Variants in AP3B1 observed in about 807,000 individuals in gnomAD.
The protein encoded by AP3B1 is adaptor related protein complex 3 subunit beta 1, also known as AP-3 complex subunit beta-1.
AP3B1 carries 61 observed loss-of-function variants against 132.5 expected under a neutral mutation model. The ratio of observed to expected loss-of-function variants is 0.46; its 90% CI spans 0.37 to 0.57. The LOEUF (loss-of-function observed/expected upper bound fraction) is 0.57. AP3B1 is among the 20% of genes least tolerant of loss of function. The pLI, the probability that AP3B1 is intolerant of heterozygous loss-of-function variation, is 0.00. For missense variants in AP3B1, 1,120 were observed against 1,289.4 expected, an observed-to-expected ratio of 0.87 and a Z score of 2.01; for synonymous variants, 388 against 438.3, an observed-to-expected ratio of 0.89 and a Z score of 1.43.
chr5:78,278,202 A>T (rs2112578260), intron 1 of AP3B1, among the ~76,000 whole-genome samples: 1 of 152,344 alleles, frequency 6.6e-6, no homozygotes, highest in East Asian at 1.9e-4. Flanking sequence ...ATATAAACTA[A>T]ACTATGTCAG....
chr5:78,048,279 A>G lies in AP3B1; in HGVS notation c.2578-9005T>C, dbSNP rs191807717. Among the ~76,000 whole-genome samples the G allele has an allele frequency of 2.2e-4, 34 of 152,346 alleles. 1 individual carries two copies. Among genetic ancestry groups the G allele is most frequent in the Admixed American group, 1.8e-3 (27 of 15,302 alleles). Reference sequence around the variant, plus strand: ...ATGCAGAATAAGAATTCATTGTTTCAGAATTGCTTTTATTTGGTTCAAGAC... The same window carrying G: ...ATGCAGAATAAGAATTCATTGTTTCGGAATTGCTTTTATTTGGTTCAAGAC... On this transcript the variant is annotated intron_variant, in intron 22 of 26. Transcript: ENST00000255194.
intron 1 of AP3B1, among the ~76,000 whole-genome samples, chr5:78,293,256 T>C (rs1019735701): frequency 1.3e-5 from 2 of 152,182 alleles, no homozygotes; most frequent in Middle Eastern, 3.2e-3. Flanking sequence ...GCGAAACAGA[T>C]TGATGCCGAT....
chr5:78,152,817 G>A (rs1753728682), intron 14 of AP3B1, among the ~76,000 whole-genome samples: 1 of 151,998 alleles, frequency 6.6e-6, no homozygotes, highest in Admixed American at 6.6e-5. Flanking sequence ...TCATTCAGGA[G>A]CATATTGTTT....
chr5:78,236,835 C>T (rs1746899490), intron 3 of AP3B1, among the ~76,000 whole-genome samples: 1 of 152,124 alleles, frequency 6.6e-6, no homozygotes, highest in Admixed American at 6.5e-5. Flanking sequence ...TCTTATACCA[C>T]AGGCCATAAA....
intron 11 of AP3B1, among the ~76,000 whole-genome samples, chr5:78,173,975 G>A (rs139626216): frequency 0.014 from 2,071 of 152,008 alleles, 55 homozygotes; most frequent in African/African-American, 0.047. Context: ...TGATCGAATC[G>A]GCTATTGAAG....
At chr5:78,048,992 A>G (rs1748461568) in intron 22 of AP3B1, among the ~76,000 whole-genome samples, 1 of 152,220 alleles carries the variant, frequency 6.6e-6, no homozygotes, top group African/African-American at 2.4e-5. Context: ...GCTTTTGATT[A>G]GACTGAACCA....
chr5:78,291,098 T>C (rs1446810061), intron 1 of AP3B1, among the ~76,000 whole-genome samples: 1 of 152,136 alleles, frequency 6.6e-6, no homozygotes, highest in Admixed American at 6.5e-5. Flanking sequence ...TAATTCTGCT[T>C]CTGTTTGAAG....
intron 24 of AP3B1, among the ~76,000 whole-genome samples, chr5:78,029,973 A>ATCAC (rs1465363865): frequency 6.6e-6 from 1 of 151,722 alleles, no homozygotes; most frequent in Admixed American, 6.6e-5. Flanking sequence ...CTAGTATACC[A>ATCAC]TCACTCCTCC....
At chr5:78,096,841 G>C in intron 21 of AP3B1, among the ~76,000 whole-genome samples, 1 of 151,434 alleles carries the variant, frequency 6.6e-6, no homozygotes, top group East Asian at 2.0e-4. Context: ...GAGGGAGGGG[G>C]GGCTCAGCCC....
intron 22 of AP3B1, among the ~76,000 whole-genome samples, chr5:78,086,759 T>A (rs1280418625): frequency 6.6e-6 from 1 of 152,146 alleles, no homozygotes; most frequent in African/African-American, 2.4e-5. Flanking sequence ...CTATTAACAT[T>A]CAACTGTCTC....
At chr5:78,112,648 G>A (rs958760462) in intron 19 of AP3B1, among the ~76,000 whole-genome samples, 1 of 152,132 alleles carries the variant, frequency 6.6e-6, no homozygotes, top group African/African-American at 2.4e-5. Flanking sequence ...TCAAAGACAA[G>A]GCTATTATAA....
chr5:78,076,002 T>C (rs979198927), intron 22 of AP3B1, among the ~76,000 whole-genome samples: 1 of 152,218 alleles, frequency 6.6e-6, no homozygotes, highest in Non-Finnish European at 1.5e-5. Context: ...TCTTAAGCTG[T>C]GTCAAATATT....
At chr5:78,004,166 C>T (rs1260991064) in intron 26 of AP3B1, among the ~76,000 whole-genome samples, 1 of 152,108 alleles carries the variant, frequency 6.6e-6, no homozygotes, top group Non-Finnish European at 1.5e-5. Flanking sequence ...CCTCAATTTG[C>T]GCAACATCTT....
intron 12 of AP3B1, among the ~76,000 whole-genome samples, chr5:78,164,733 G>A (rs1743537398): frequency 6.6e-6 from 1 of 151,986 alleles, no homozygotes; most frequent in African/African-American, 2.4e-5. Context: ...TATAAATTAT[G>A]GACATGCCAT....
chr5:78,224,218 C>T (rs2112489724), intron 6 of AP3B1, among the ~76,000 whole-genome samples: 1 of 152,096 alleles, frequency 6.6e-6, no homozygotes, highest in African/African-American at 2.4e-5. Flanking sequence ...TATTTAGTTA[C>T]CTCCTACGTT....
At chr5:78,064,978 T>G (rs1749217547) in intron 22 of AP3B1, among the ~76,000 whole-genome samples, 2 of 151,122 alleles carry the variant, frequency 1.3e-5, no homozygotes, top group Admixed American at 1.3e-4. Context: ...AAATGGTGAG[T>G]GAATCCTGCA....
chr5:78,122,095 C>A (rs916893273), intron 17 of AP3B1, among the ~76,000 whole-genome samples: 1 of 151,886 alleles, frequency 6.6e-6, no homozygotes, highest in Admixed American at 6.6e-5. Context: ...AAGACAAAAA[C>A]CACATGATTA....
At chr5:78,182,593 G>A (rs1744417373) in intron 7 of AP3B1, among the ~76,000 whole-genome samples, 1 of 152,180 alleles carries the variant, frequency 6.6e-6, no homozygotes, top group African/African-American at 2.4e-5. Flanking sequence ...ACTCGGTGCA[G>A]AAGCTGGCAA....
chr5:78,278,630 G>A (rs1183899758), intron 1 of AP3B1, among the ~76,000 whole-genome samples: 1 of 86,084 alleles, frequency 1.2e-5, no homozygotes, highest in East Asian at 3.4e-4. Context: ...AAAAAAGGGG[G>A]GGGGGGACTA....
Sources: allele counts gnomAD v4.1 joint callset (sites outside exome capture counted in the v4.1 genomes callset), GRCh38; gene constraint gnomAD v4.1.1; transcripts MANE v1.5; gene names NCBI Gene and HGNC (gene_info 2026-07-23, HGNC 2026-07-21).